PALS1: variants seen among roughly 807,000 people sequenced by gnomAD.
The protein encoded by PALS1 is protein associated with LIN7 1, MAGUK p55 family member, also known as protein PALS1.
Under a neutral mutation model 78.9 loss-of-function variants are expected in PALS1, and 31 were observed. That is an observed-to-expected ratio of 0.39 (90% CI 0.30 to 0.53). The LOEUF is 0.53. Ranked by LOEUF, PALS1 falls within the 20% of genes least tolerant of loss-of-function variation. PALS1 has a pLI of 0.67. For synonymous variants in PALS1, 276 were observed against 270.9 expected (o/e 1.02, Z -0.18); for missense variants, 704 against 826.5 (o/e 0.85, Z 1.82).
In PALS1 at chr14:67,333,821, A is replaced by G. The variant is rs1320094214; in HGVS notation, c.*865A>G. On this transcript the variant is annotated 3_prime_UTR_variant, in exon 15 of 15. Coordinates refer to ENST00000261681, the MANE Select transcript of PALS1 (RefSeq NM_022474.4). Reference sequence around the variant, plus strand: ...CATTATAATCTGTATTGACTTAAAAAGTTTCTTCCTCATGATGCTAATAGT... The same window carrying G: ...CATTATAATCTGTATTGACTTAAAAGGTTTCTTCCTCATGATGCTAATAGT... 6.6e-6 allele frequency: 1 copy of G among 152,598 alleles called. No homozygotes were observed. The highest frequency in any genetic ancestry group is 1.5e-5 in the Non-Finnish European group (1 of 68,018). 9.5% of individuals were successfully genotyped at this position (152,598 alleles called of 1,614,324 possible).
chr14:67,295,699 A>G (rs2084837913), intron 4 of PALS1, among the ~76,000 whole-genome samples: 1 of 152,248 alleles, frequency 6.6e-6, no homozygotes, highest in African/African-American at 2.4e-5. Flanking sequence ...ATTACAATTT[A>G]AAAGACTGTC....
intron 3 of PALS1, among the ~76,000 whole-genome samples, chr14:67,290,245 C>T (rs549868682): frequency 6.6e-6 from 1 of 152,106 alleles, no homozygotes; most frequent in East Asian, 1.9e-4. Flanking sequence ...AACTAATTTA[C>T]AATAGTCGAG....
chr14:67,307,223 A>T (rs1422738934), intron 8 of PALS1, among the ~76,000 whole-genome samples: 2 of 152,140 alleles, frequency 1.3e-5, no homozygotes, highest in African/African-American at 4.8e-5. Context: ...ATTCAAACGT[A>T]CAGTTTCCTT....
intron 1 of PALS1, among the ~76,000 whole-genome samples, chr14:67,265,341 G>C (rs1053605068): frequency 2.0e-5 from 3 of 151,910 alleles, no homozygotes; most frequent in Admixed American, 6.6e-5. Flanking sequence ...GAGGACTCTT[G>C]AGGCAAGGAG....
intron 1 of PALS1, among the ~76,000 whole-genome samples, chr14:67,268,514 G>A (rs2084364788): frequency 6.6e-6 from 1 of 152,180 alleles, no homozygotes; most frequent in Non-Finnish European, 1.5e-5. Flanking sequence ...TCTAAGCAAG[G>A]GGTGGATTCA....
chr14:67,318,450 A>C (rs911384473), intron 11 of PALS1, among the ~76,000 whole-genome samples: 1 of 152,164 alleles, frequency 6.6e-6, no homozygotes, highest in African/African-American at 2.4e-5. Context: ...AAACAGACTG[A>C]AGTTAACTAG....
At chr14:67,302,328 G>A (rs10146722) in intron 6 of PALS1, 82 bp from the exon 7 acceptor site, 79,950 of 1,167,316 alleles carry the variant, frequency 0.068, 9,239 homozygotes, top group East Asian at 0.41. Flanking sequence ...ATTGTTGAAT[G>A]GAAAAAATAG....
chr14:67,258,055 G>A (rs2084174612), intron 1 of PALS1, among the ~76,000 whole-genome samples: 1 of 151,756 alleles, frequency 6.6e-6, no homozygotes. Context: ...CAATAGGTAG[G>A]TGTGGTTTTT....
At chr14:67,302,315 A>G in intron 6 of PALS1, 95 bp from the exon 7 acceptor site, 1 of 1,088,618 alleles carries the variant, frequency 9.2e-7, no homozygotes, top group Non-Finnish European at 1.2e-6. Flanking sequence ...ACTGAAGGTT[A>G]GTATTGTTGA....
At chr14:67,298,389 C>T (rs1257755709) in intron 4 of PALS1, among the ~76,000 whole-genome samples, 1 of 151,800 alleles carries the variant, frequency 6.6e-6, no homozygotes, top group African/African-American at 2.4e-5. Context: ...GTGGCGGGCA[C>T]CTGTAATCCC....
At chr14:67,291,660 A>G (rs1336506999) in intron 3 of PALS1, among the ~76,000 whole-genome samples, 3 of 152,234 alleles carry the variant, frequency 2.0e-5, no homozygotes, top group African/African-American at 7.2e-5. Flanking sequence ...TAACAGGCAG[A>G]CACAATGCAC....
intron 14 of PALS1, among the ~76,000 whole-genome samples, chr14:67,327,844 T>C (rs2085382185): frequency 6.6e-6 from 1 of 152,248 alleles, no homozygotes; most frequent in Non-Finnish European, 1.5e-5. Flanking sequence ...CTGCATAGTA[T>C]TCCATGGTGT....
intron 5 of PALS1, among the ~76,000 whole-genome samples, 163 bp from the exon 6 acceptor site, chr14:67,301,809 G>A (rs1430713129): frequency 6.6e-6 from 1 of 152,080 alleles, no homozygotes; most frequent in Non-Finnish European, 1.5e-5. Flanking sequence ...ACCCATTCCA[G>A]AGTATGCCCT....
chr14:67,264,029 G>A (rs991708394), intron 1 of PALS1, among the ~76,000 whole-genome samples: 3 of 152,048 alleles, frequency 2.0e-5, no homozygotes, highest in Non-Finnish European at 4.4e-5. Context: ...TCCCATGCAA[G>A]CACCTGGGAC....
At position 67,321,147 on chromosome 14, in the gene PALS1, G is replaced by T. The variant is rs2085257005; in HGVS notation, c.1628G>T (p.Gly543Val). The change falls in exon 13 of 15, where the codon GGA becomes GTA. Residue 543 changes from glycine to valine, a missense_variant. By Grantham distance (109) the Gly-to-Val change is moderately radical. Coordinates refer to ENST00000261681, the MANE Select transcript of PALS1 (RefSeq NM_022474.4). ...GCATTCGAGGCAGACATAGCAGCTG[G>T]AAAGTTCATTGAGCATGGTGAATTT... Reference protein sequence around the residue: ...RQAFEADIAAGKFIEHGEFEK... With the variant: ...RQAFEADIAAVKFIEHGEFEK... The T allele has an allele frequency of 1.2e-6, 2 of 1,614,064 alleles. No individual in the cohort carries two copies. The highest frequency in any genetic ancestry group is 1.7e-6 in the Non-Finnish European group (2 of 1,180,042).
intron 14 of PALS1, among the ~76,000 whole-genome samples, chr14:67,327,953 G>T (rs542913962): frequency 2.0e-3 from 308 of 152,332 alleles, no homozygotes; most frequent in African/African-American, 7.0e-3. Context: ...ACGTGTGCAT[G>T]TGTCTTTATA....
intron 3 of PALS1, among the ~76,000 whole-genome samples, chr14:67,291,598 A>G (rs2084775284): frequency 6.6e-6 from 1 of 152,148 alleles, no homozygotes; most frequent in African/African-American, 2.4e-5. Flanking sequence ...GTGCTTCTTA[A>G]CCATTTTAGA....
At chr14:67,266,916 C>G (rs918784907) in intron 1 of PALS1, among the ~76,000 whole-genome samples, 1 of 151,898 alleles carries the variant, frequency 6.6e-6, no homozygotes, top group African/African-American at 2.4e-5. Flanking sequence ...TCGACACCAG[C>G]CTGGGCAACA....
Position 67,243,489 on chromosome 14 carries a change from A to ATT in PALS1, c.-237+1976_-237+1977dup, listed in dbSNP as rs55985752. Among the ~76,000 whole-genome samples the ATT allele has an allele frequency of 4.3e-3, 428 of 100,272 alleles. 8 individuals are homozygous for ATT. Among genetic ancestry groups the ATT allele is most frequent in the Middle Eastern group, 9.1e-3 (1 of 110 alleles). 65.8% of individuals were successfully genotyped at this position (100,272 alleles called of 152,430 possible). A position where few individuals can be genotyped will look rare whatever the true frequency, so the allele number is the denominator to read the frequency against. ...AGGCGTGAGCCACCGCCAGAATATA[A>ATT]TTTTTTTTTTTTTTTTTTTTTGAGA... On this transcript the variant is annotated intron_variant, in intron 1 of 14. Transcript: ENST00000261681.
Sources: allele counts gnomAD v4.1 joint callset (sites outside exome capture counted in the v4.1 genomes callset), GRCh38; gene constraint gnomAD v4.1.1; transcripts MANE v1.5; gene names NCBI Gene and HGNC (gene_info 2026-07-23, HGNC 2026-07-21).